AKAP6: variants seen among roughly 807,000 people sequenced by gnomAD.
AKAP6 encodes A-kinase anchor protein 6.
A neutral mutation model predicts 188.5 loss-of-function variants in AKAP6; 58 were observed. That is an observed-to-expected ratio of 0.31 (90% CI 0.25 to 0.38). AKAP6 has a LOEUF of 0.38. Ranked by LOEUF, AKAP6 falls within the 10% of genes least tolerant of loss-of-function variation. The probability of loss-of-function intolerance (pLI) is 1.00; values close to 1 mark genes in which losing one functional copy is unlikely to be tolerated. For missense variants in AKAP6, 2,710 were observed against 2,740.0 expected, an observed-to-expected ratio of 0.99 and a Z score of 0.24; for synonymous variants, 989 against 998.6, an observed-to-expected ratio of 0.99 and a Z score of 0.18.
intron 2 of AKAP6, among the ~76,000 whole-genome samples, chr14:32,453,687 C>G (rs979195393): frequency 2.7e-5 from 4 of 146,482 alleles, no homozygotes; most frequent in Non-Finnish European, 6.0e-5. Flanking sequence ...AGCTCCGCCT[C>G]CCGGGTTCAC....
chr14:32,548,093 CTTT>C (rs71115082), intron 4 of AKAP6, among the ~76,000 whole-genome samples: 4 of 104,226 alleles, frequency 3.8e-5, no homozygotes, highest in Non-Finnish European at 3.9e-5. Flanking sequence ...CTCCCACATG[CTTT>C]TTTTTTTTTT....
intron 7 of AKAP6, among the ~76,000 whole-genome samples, chr14:32,625,964 T>G (rs1887006183): frequency 6.6e-6 from 1 of 152,142 alleles, no homozygotes; most frequent in Admixed American, 6.6e-5. Flanking sequence ...CCCATTATAG[T>G]GGCAAAATAT....
At chr14:32,779,916 G>C (rs970307678) in intron 12 of AKAP6, among the ~76,000 whole-genome samples, 7 of 152,050 alleles carry the variant, frequency 4.6e-5, no homozygotes, top group Admixed American at 3.9e-4. Context: ...CTGTTGGTAG[G>C]AATGTAGATT....
chr14:32,539,262 CATTG>C (rs1312551954), intron 3 of AKAP6, among the ~76,000 whole-genome samples: 1 of 152,142 alleles, frequency 6.6e-6, no homozygotes, highest in African/African-American at 2.4e-5. Flanking sequence ...CAATAGGAAA[CATTG>C]ATTGAGAACT....
At position 32,562,500 on chromosome 14, in the gene AKAP6, G is replaced by A. The variant is rs1382243993; in HGVS notation, c.2347-14620G>A. On this transcript the variant is annotated intron_variant, in intron 4 of 13. Transcript: ENST00000280979. ...AGGCCAGGCCCAGTGGCTCACACCTGTAATCTCAGCACTTTGGGAAGCTGA... is the reference window on the plus strand; with the variant it reads ...AGGCCAGGCCCAGTGGCTCACACCTATAATCTCAGCACTTTGGGAAGCTGA... 3.3e-5 allele frequency among the ~76,000 whole-genome samples: 5 copies of A among 152,182 alleles called. No homozygotes were observed. In the East Asian group the frequency reaches 7.7e-4, roughly 23 times the overall value.
chr14:32,527,424 T>G (rs1310788524), intron 2 of AKAP6, among the ~76,000 whole-genome samples: 3 of 152,194 alleles, frequency 2.0e-5, no homozygotes, highest in Admixed American at 6.5e-5. Context: ...TATAAACATC[T>G]GTGTGCAGGT....
intron 5 of AKAP6, among the ~76,000 whole-genome samples, chr14:32,583,297 A>C (rs1885065858): frequency 6.6e-6 from 1 of 152,142 alleles, no homozygotes; most frequent in Non-Finnish European, 1.5e-5. Context: ...GTGGCTGCAG[A>C]ACAGCGGATT....
rs1053839224 is a variant in AKAP6, at chr14:32,704,678, A to G, written c.3000+8568A>G. ...AGCTATGGTATGAATGGGGTTATTTATTTTGTTTAAAAAAAGAGTATCAAA... is the reference window on the plus strand; with the variant it reads ...AGCTATGGTATGAATGGGGTTATTTGTTTTGTTTAAAAAAAGAGTATCAAA... On this transcript the variant is annotated intron_variant, in intron 9 of 13. Transcript: ENST00000280979. Among the ~76,000 whole-genome samples the G allele has an allele frequency of 6.6e-5, 10 of 152,132 alleles. No individual in the cohort carries two copies. The East Asian group carries it at 9.6e-4, about 15-fold the overall frequency.
At chr14:32,452,736 C>T (rs1890982729) in intron 2 of AKAP6, among the ~76,000 whole-genome samples, 1 of 152,132 alleles carries the variant, frequency 6.6e-6, no homozygotes, top group Non-Finnish European at 1.5e-5. Flanking sequence ...GCTCCAGAGA[C>T]CATATTAATA....
intron 12 of AKAP6, among the ~76,000 whole-genome samples, chr14:32,811,931 A>G (rs890772285): frequency 2.0e-5 from 3 of 152,180 alleles, no homozygotes; most frequent in African/African-American, 7.2e-5. Context: ...AGAAAACTTC[A>G]CTTGTTTACA....
intron 1 of AKAP6, among the ~76,000 whole-genome samples, chr14:32,363,604 A>C (rs1019937524): frequency 1.3e-5 from 2 of 152,206 alleles, no homozygotes; most frequent in African/African-American, 4.8e-5. Flanking sequence ...AGCATCCAGC[A>C]TGGGAGAAAG....
intron 12 of AKAP6, among the ~76,000 whole-genome samples, chr14:32,804,169 C>T (rs2034028277): frequency 6.6e-6 from 1 of 152,216 alleles, no homozygotes; most frequent in African/African-American, 2.4e-5. Context: ...ATCAGTACCA[C>T]TTATCTGTGC....
intron 4 of AKAP6, among the ~76,000 whole-genome samples, chr14:32,571,874 T>G (rs964563550): frequency 6.6e-6 from 1 of 152,238 alleles, no homozygotes; most frequent in African/African-American, 2.4e-5. Context: ...GTAACGCCCT[T>G]AAATTTTTCA....
In AKAP6 at chr14:32,385,997, A is replaced by G. The variant is rs533004588; in HGVS notation, c.-34-47463A>G. Among the ~76,000 whole-genome samples, 1,168 of 143,964 alleles carry G rather than the reference A, an allele frequency of 8.1e-3. 18 individuals are homozygous for G. The highest frequency in any genetic ancestry group is 0.028 in the African/African-American group (1,120 of 39,858). The allele number at this position is 143,964 out of a possible 152,430, so 94.4% of individuals were successfully genotyped here. On this transcript the variant is annotated intron_variant, in intron 1 of 13. Coordinates refer to ENST00000280979, the MANE Select transcript of AKAP6 (RefSeq NM_004274.5). ...ATTATATATAATACATATATTCATCATATGTATCTATATCTATATCTATCT... is the reference window on the plus strand; with the variant it reads ...ATTATATATAATACATATATTCATCGTATGTATCTATATCTATATCTATCT...
At position 32,600,728 on chromosome 14, in the gene AKAP6, T is replaced by C. The variant is rs771588211; in HGVS notation, c.2666T>C (p.Ile889Thr). 8 of 1,613,504 alleles carry C rather than the reference T, an allele frequency of 5.0e-6. No individual in the cohort carries two copies. Among genetic ancestry groups the C allele is most frequent in the Non-Finnish European group, 5.9e-6 (7 of 1,179,772 alleles). The change falls in exon 7 of 14, where the codon ATC (isoleucine) becomes ACC (threonine). Residue 889 changes from isoleucine (I) to threonine (T), a missense_variant. By Grantham distance (89) the Ile-to-Thr change is moderately conservative. Around this residue, in one of 2 missense-constraint regions of AKAP6, gnomAD observed 2,473 missense variants for 2,426.1 expected, o/e 1.02. Coordinates refer to ENST00000280979, the MANE Select transcript of AKAP6 (RefSeq NM_004274.5). ...HSWILRALDTIKAEILATDVS... is the reference protein window; with the variant it reads ...HSWILRALDTTKAEILATDVS... The stretch of plus-strand genomic sequence containing the variant: ...TGGATTCTCAGGGCTCTGGATACCA[T>C]CAAAGCCGAGATACTGGCTACTGAT...
At chr14:32,405,438 T>A (rs1439225912) in intron 1 of AKAP6, among the ~76,000 whole-genome samples, 5 of 152,340 alleles carry the variant, frequency 3.3e-5, no homozygotes, top group African/African-American at 1.2e-4. Flanking sequence ...TTGACAATTT[T>A]AAAAGACTAA....
chr14:32,350,820 T>A (rs1887240009), intron 1 of AKAP6, among the ~76,000 whole-genome samples: 1 of 152,086 alleles, frequency 6.6e-6, no homozygotes. Context: ...TAATACAGAT[T>A]TATTTTTTAA....
chr14:32,810,148 T>G (rs1384643391), intron 12 of AKAP6, among the ~76,000 whole-genome samples: 1 of 152,170 alleles, frequency 6.6e-6, no homozygotes, highest in African/African-American at 2.4e-5. Context: ...GTCTCTTAGT[T>G]GCTAGCTCAA....
chr14:32,486,643 T>C (rs1879713064), intron 2 of AKAP6, among the ~76,000 whole-genome samples: 2 of 152,230 alleles, frequency 1.3e-5, no homozygotes, highest in African/African-American at 4.8e-5. Flanking sequence ...ATAGGAATGC[T>C]TGTAATTTTT....
Sources: allele counts gnomAD v4.1 joint callset (sites outside exome capture counted in the v4.1 genomes callset), GRCh38; gene constraint gnomAD v4.1.1; regional missense constraint gnomAD v4.1.1; transcripts MANE v1.5; gene names NCBI Gene and HGNC (gene_info 2026-07-23, HGNC 2026-07-21).